Variants in ULK4 observed in about 807,000 individuals in gnomAD.
The protein encoded by ULK4 is inactive serine/threonine-protein kinase ULK4.
A neutral mutation model predicts 160.6 loss-of-function variants in ULK4; 133 were observed. The ratio of observed to expected loss-of-function variants is 0.83; its 90% confidence interval spans 0.72 to 0.96. The LOEUF (loss-of-function observed/expected upper bound fraction) is 0.96, where lower values mean the gene tolerates loss of function less well. ULK4 is among the 40% of genes least tolerant of loss of function. ULK4 has a pLI of 0.00. For missense variants in ULK4, 1,580 were observed against 1,499.5 expected (o/e 1.05, Z -0.89); for synonymous variants, 534 against 539.8 (o/e 0.99, Z 0.15).
intron 17 of ULK4, among the ~76,000 whole-genome samples, chr3:41,861,791 G>A (rs147754866): frequency 2.2e-4 from 33 of 151,968 alleles, no homozygotes; most frequent in African/African-American, 7.0e-4. Flanking sequence ...TTTCTCTTTT[G>A]AGGTTATTTT....
At chr3:41,484,047 A>G (rs921681181) in intron 32 of ULK4, among the ~76,000 whole-genome samples, 1 of 152,170 alleles carries the variant, frequency 6.6e-6, no homozygotes. Context: ...CTAATATGTC[A>G]AAAGGAAACT....
intron 5 of ULK4, among the ~76,000 whole-genome samples, chr3:41,927,443 C>G (rs1299147834): frequency 6.6e-6 from 1 of 152,046 alleles, no homozygotes; most frequent in African/African-American, 2.4e-5. Context: ...CACCAACTAA[C>G]GGGCAAAATA....
chr3:41,826,107 T>G (rs200308031), intron 18 of ULK4, among the ~76,000 whole-genome samples: 38,569 of 151,766 alleles, frequency 0.25, 6,033 homozygotes, highest in African/African-American at 0.45. Flanking sequence ...ACAAACAAAT[T>G]TTGACAGATT....
chr3:41,946,302 A>T, intron 2 of ULK4, among the ~76,000 whole-genome samples: 1 of 152,206 alleles, frequency 6.6e-6, no homozygotes, highest in East Asian at 1.9e-4. Context: ...AGTACATACC[A>T]TAGGAACCCA....
chr3:41,428,766 T>C (rs1462572055), intron 34 of ULK4, among the ~76,000 whole-genome samples: 1 of 152,064 alleles, frequency 6.6e-6, no homozygotes, highest in Non-Finnish European at 1.5e-5. Flanking sequence ...ATACAAAAAT[T>C]AAGTGAAGAT....
chr3:41,391,532 T>C (rs2081957371), intron 35 of ULK4, among the ~76,000 whole-genome samples: 1 of 151,846 alleles, frequency 6.6e-6, no homozygotes, highest in African/African-American at 2.4e-5. Context: ...TACTTTTCTA[T>C]CTAGTAGAAA....
At chr3:41,954,565 C>A in intron 2 of ULK4, 57 bp downstream of exon 2, 1 of 1,556,330 alleles carries the variant, frequency 6.4e-7, no homozygotes, top group Non-Finnish European at 8.7e-7. Flanking sequence ...AATGCTACCC[C>A]CTTCTACCTA....
chr3:41,660,381 T>C (rs1188494494), intron 30 of ULK4, among the ~76,000 whole-genome samples: 5 of 152,044 alleles, frequency 3.3e-5, no homozygotes, highest in African/African-American at 9.7e-5. Flanking sequence ...TACTTAACCA[T>C]AGGGGAAGAT....
rs528808896 is a variant in ULK4 at position 41,685,146 on chromosome 3, T to C, written c.2782-3342A>G. On this transcript the variant is annotated intron_variant, in intron 27 of 36. Coordinates refer to ENST00000301831, the MANE Select transcript of ULK4 (RefSeq NM_017886.4). ...TCCATGAACAACTTCTGACTTCCTG[T>C]CTTGAATTTTCCTTTCTCTGATCTA... Among the ~76,000 whole-genome samples the C allele has an allele frequency of 2.0e-5, 3 of 152,348 alleles. No homozygotes were observed. In the South Asian group the frequency reaches 6.2e-4, roughly 32 times the overall value.
chr3:41,872,064 T>A (rs112860772), intron 17 of ULK4, among the ~76,000 whole-genome samples: 9,181 of 152,240 alleles, frequency 0.06, 878 homozygotes, highest in African/African-American at 0.21. Flanking sequence ...TCTTTTTGCT[T>A]TTGTTAGTAC....
intron 17 of ULK4, among the ~76,000 whole-genome samples, chr3:41,856,529 A>ATG (rs1424640361): frequency 1.7e-5 from 2 of 116,100 alleles, no homozygotes; most frequent in East Asian, 2.2e-4. Context: ...ATATATATAT[A>ATG]TATGTATGTA....
intron 21 of ULK4, among the ~76,000 whole-genome samples, chr3:41,787,874 A>G (rs940398431): frequency 3.9e-5 from 6 of 152,224 alleles, no homozygotes; most frequent in African/African-American, 1.4e-4. Flanking sequence ...TATTAACATA[A>G]CAACCTATTT....
intron 32 of ULK4, among the ~76,000 whole-genome samples, chr3:41,495,807 A>T (rs1462527431): frequency 6.6e-6 from 1 of 151,940 alleles, no homozygotes; most frequent in Non-Finnish European, 1.5e-5. Context: ...ACATTTACGC[A>T]GCCAAAAGAC....
At chr3:41,636,667 A>G (rs931012349) in intron 30 of ULK4, among the ~76,000 whole-genome samples, 33 of 152,186 alleles carry the variant, frequency 2.2e-4, no homozygotes, top group African/African-American at 7.9e-4. Context: ...CAGGTTAGTT[A>G]CATATGTATA....
intron 32 of ULK4, among the ~76,000 whole-genome samples, chr3:41,530,307 C>T (rs1000276922): frequency 1.3e-5 from 2 of 152,148 alleles, no homozygotes; most frequent in African/African-American, 4.8e-5. Context: ...GCTATTAGAA[C>T]ACATTCAAAA....
At position 41,708,617 on chromosome 3, in the gene ULK4, C is replaced by T. The variant is rs146251962; in HGVS notation, c.2635-3312G>A. Among the ~76,000 whole-genome samples the T allele has an allele frequency of 7.6e-3, 1,152 of 152,224 alleles. 10 individuals carry two copies. The highest frequency in any genetic ancestry group is 0.027 in the African/African-American group (1,101 of 41,528). ...AAAGTAAAGATCTGGGATTACACGC[C>T]TATAATCCCAGCTACTTGGGAGGCT... On this transcript the variant is annotated intron_variant, in intron 25 of 36. Transcript: ENST00000301831.
chr3:41,643,865 C>A (rs2034355956), intron 30 of ULK4, among the ~76,000 whole-genome samples: 1 of 152,054 alleles, frequency 6.6e-6, no homozygotes, highest in African/African-American at 2.4e-5. Flanking sequence ...TCTTTTATTT[C>A]ATTGAGCAGT....
chr3:41,342,391 G>A (rs879644674), intron 35 of ULK4, among the ~76,000 whole-genome samples: 3 of 152,124 alleles, frequency 2.0e-5, no homozygotes, highest in Admixed American at 6.5e-5. Flanking sequence ...TCTTGTCTAT[G>A]TTACAATAAA....
Position 41,482,349 on chromosome 3 carries a change from G to A in ULK4, c.3227-19096C>T, listed in dbSNP as rs115303923. ...ACACATTTTAACATTTGAAAGCTGGGAGCAGCAGTGATGGTGTCTTATTTC... is the reference window on the plus strand; with the variant it reads ...ACACATTTTAACATTTGAAAGCTGGAAGCAGCAGTGATGGTGTCTTATTTC... On this transcript the variant is annotated intron_variant, in intron 32 of 36. Coordinates refer to ENST00000301831, the MANE Select transcript of ULK4 (RefSeq NM_017886.4). Among the ~76,000 whole-genome samples, 1,098 of 152,298 alleles carry A rather than the reference G, an allele frequency of 7.2e-3. 15 individuals are homozygous for A. Among genetic ancestry groups the A allele is most frequent in the African/African-American group, 0.021 (865 of 41,544 alleles).
Sources: gnomAD v4.1 joint callset for allele counts (sites outside exome capture counted in the v4.1 genomes callset) on GRCh38, gnomAD v4.1.1 for gene constraint, MANE v1.5 for transcripts, NCBI Gene and HGNC (gene_info 2026-07-23, HGNC 2026-07-21) for gene names.